Variants in CTNNA3 observed in about 807,000 individuals in gnomAD.
CTNNA3 encodes catenin alpha-3.
In CTNNA3, 76 loss-of-function variants were observed where a neutral mutation model predicts 95.7. That is an observed-to-expected ratio of 0.79 (90% confidence interval 0.66 to 0.96). The LOEUF is 0.96. Among genes scored for constraint, CTNNA3 ranks in the 40% least tolerant of loss-of-function variants. CTNNA3 has a pLI of 0.00. For missense variants in CTNNA3, 1,191 were observed against 1,089.8 expected, an observed-to-expected ratio of 1.09 and a Z score of -1.31; for synonymous variants, 431 against 374.4, an observed-to-expected ratio of 1.15 and a Z score of -1.74.
chr10:66,446,520 A>G (rs2093422568), intron 11 of CTNNA3, among the ~76,000 whole-genome samples: 1 of 151,146 alleles, frequency 6.6e-6, no homozygotes, highest in Non-Finnish European at 1.5e-5. Flanking sequence ...CTGGTTTAAC[A>G]TTCACAAATC....
intron 7 of CTNNA3, among the ~76,000 whole-genome samples, chr10:66,832,185 C>T (rs1211834320): frequency 6.6e-6 from 1 of 152,074 alleles, no homozygotes; most frequent in Non-Finnish European, 1.5e-5. Flanking sequence ...CTCATTTTGG[C>T]AGAAAAAATG....
intron 11 of CTNNA3, among the ~76,000 whole-genome samples, chr10:66,431,001 T>A (rs2093290125): frequency 6.6e-6 from 1 of 151,112 alleles, no homozygotes; most frequent in Non-Finnish European, 1.5e-5. Flanking sequence ...TGCAAACTAC[T>A]CATCTGACAA....
At chr10:66,194,588 A>C (rs1589693823) in intron 13 of CTNNA3, among the ~76,000 whole-genome samples, 1 of 152,346 alleles carries the variant, frequency 6.6e-6, no homozygotes, top group South Asian at 2.1e-4. Context: ...CTCAAAAAAT[A>C]ATTAAATAAA....
chr10:67,119,923 GA>G (rs1446961467), intron 7 of CTNNA3, among the ~76,000 whole-genome samples: 10 of 151,962 alleles, frequency 6.6e-5, no homozygotes, highest in African/African-American at 2.4e-4. Context: ...AAGGCAGGCA[GA>G]ATCCACCACT....
At chr10:67,196,967 A>T (rs751717291) in intron 6 of CTNNA3, among the ~76,000 whole-genome samples, 6 of 152,124 alleles carry the variant, frequency 3.9e-5, no homozygotes, top group Non-Finnish European at 8.8e-5. Flanking sequence ...AATCCTAAAA[A>T]TATAGACGCA....
chr10:66,000,508 TTTAA>T (rs1421769717), intron 15 of CTNNA3, among the ~76,000 whole-genome samples: 1 of 152,144 alleles, frequency 6.6e-6, no homozygotes, highest in Non-Finnish European at 1.5e-5. Flanking sequence ...AAACAGAAAG[TTTAA>T]TTATATTATT....
chr10:67,679,088 G>A (rs558557271), intron 1 of CTNNA3, among the ~76,000 whole-genome samples: 4 of 152,260 alleles, frequency 2.6e-5, no homozygotes, highest in East Asian at 3.9e-4. Flanking sequence ...ATTGATAAAC[G>A]AGAAAGGAGA....
intron 7 of CTNNA3, among the ~76,000 whole-genome samples, chr10:66,931,363 T>C (rs1847381198): frequency 6.6e-6 from 1 of 152,198 alleles, no homozygotes; most frequent in African/African-American, 2.4e-5. Context: ...TGTAGTTAAA[T>C]AGTCCCAGTG....
chr10:67,524,220 G>A (rs1840069332), intron 4 of CTNNA3, among the ~76,000 whole-genome samples: 1 of 151,842 alleles, frequency 6.6e-6, no homozygotes. Flanking sequence ...TGGCTAACAC[G>A]GTGAAACCCC....
Position 67,715,716 on chromosome 10 carries a change from T to C in CTNNA3, c.-2+47718A>G, listed in dbSNP as rs191021788. ...CCTAGTTACATAGATTGAATAAACA[T>C]TGAGAATTAGAACAGGGGCTGTGAT... On this transcript the variant is annotated intron_variant, in intron 1 of 17. Transcript: ENST00000684154. 3.9e-3 allele frequency among the ~76,000 whole-genome samples: 601 copies of C among 152,178 alleles called. 18 individuals carry two copies. The Middle Eastern group carries it at 0.051, about 13-fold the overall frequency.
intron 12 of CTNNA3, among the ~76,000 whole-genome samples, chr10:66,326,867 C>A (rs1224537270): frequency 6.6e-6 from 1 of 151,974 alleles, no homozygotes; most frequent in Non-Finnish European, 1.5e-5. Flanking sequence ...AAATAAAATT[C>A]TTTTCAATAT....
At chr10:66,923,438 G>C (rs1349671851) in intron 7 of CTNNA3, among the ~76,000 whole-genome samples, 2 of 152,136 alleles carry the variant, frequency 1.3e-5, no homozygotes, top group Admixed American at 1.3e-4. Context: ...GGGAGAGTGA[G>C]GGGAAAACTC....
intron 5 of CTNNA3, among the ~76,000 whole-genome samples, chr10:67,481,935 A>C (rs1370555798): frequency 6.6e-6 from 1 of 151,876 alleles, no homozygotes; most frequent in Non-Finnish European, 1.5e-5. Flanking sequence ...ATAAGGTGTA[A>C]GGAAGGGATC....
chr10:66,132,722 A>G (rs1283314065), intron 13 of CTNNA3, among the ~76,000 whole-genome samples: 3 of 152,254 alleles, frequency 2.0e-5, no homozygotes, highest in Non-Finnish European at 4.4e-5. Context: ...GCAGCCATAT[A>G]AAAGAATGAG....
At chr10:66,866,621 C>T (rs1916384) in intron 7 of CTNNA3, among the ~76,000 whole-genome samples, 88,925 of 151,922 alleles carry the variant, frequency 0.59, 26,162 homozygotes, top group Non-Finnish European at 0.61. Context: ...GTTATGTACA[C>T]ATCTACCAAG....
intron 5 of CTNNA3, among the ~76,000 whole-genome samples, chr10:67,225,150 ATCT>A (rs1432027173): frequency 6.6e-6 from 1 of 151,992 alleles, no homozygotes; most frequent in African/African-American, 2.4e-5. Flanking sequence ...GGCAGCCATA[ATCT>A]TCTTAGGTGC....
chr10:67,033,176 A>T (rs1287123295), intron 7 of CTNNA3, among the ~76,000 whole-genome samples: 1 of 152,194 alleles, frequency 6.6e-6, no homozygotes, highest in Non-Finnish European at 1.5e-5. Context: ...CAAATATATG[A>T]TCTTCAAGTC....
At chr10:67,464,132 C>G (rs945155350) in intron 5 of CTNNA3, among the ~76,000 whole-genome samples, 8 of 152,140 alleles carry the variant, frequency 5.3e-5, no homozygotes, top group African/African-American at 1.9e-4. Context: ...ATTCTATAAT[C>G]CGGCTCTAAC....
At chr10:67,234,672 G>T (rs1202028513) in intron 5 of CTNNA3, among the ~76,000 whole-genome samples, 1 of 151,752 alleles carries the variant, frequency 6.6e-6, no homozygotes, top group Non-Finnish European at 1.5e-5. Flanking sequence ...GGGCAATTAG[G>T]CAGGAGAAGG....
Sources: allele counts gnomAD v4.1 joint callset (sites outside exome capture counted in the v4.1 genomes callset), GRCh38; gene constraint gnomAD v4.1.1; transcripts MANE v1.5; gene names NCBI Gene and HGNC (gene_info 2026-07-23, HGNC 2026-07-21).